The following ROCK2 variants were observed in gnomAD, a reference collection of about 807,000 sequenced individuals.
The protein encoded by ROCK2 is Rho associated coiled-coil containing protein kinase 2, also known as rho-associated protein kinase 2.
ROCK2 carries 61 observed loss-of-function variants against 195.1 expected under a neutral mutation model. That is an observed-to-expected ratio of 0.31 (90% CI 0.25 to 0.39). ROCK2 has a LOEUF of 0.39. Among genes scored for constraint, ROCK2 ranks in the 10% least tolerant of loss-of-function variants. The pLI, the probability that ROCK2 is intolerant of heterozygous loss-of-function variation, is 1.00. For missense variants in ROCK2, 1,109 were observed against 1,637.4 expected, an observed-to-expected ratio of 0.68 and a Z score of 5.57; for synonymous variants, 504 against 545.5, an observed-to-expected ratio of 0.92 and a Z score of 1.06.
At chr2:11,273,228 C>A (rs766210223) in intron 3 of ROCK2, among the ~76,000 whole-genome samples, 8 of 150,830 alleles carry the variant, frequency 5.3e-5, no homozygotes, top group Non-Finnish European at 1.0e-4. Flanking sequence ...CAGAGATTGG[C>A]AGAATGAATT....
chr2:11,300,423 C>T (rs527408475), intron 1 of ROCK2, among the ~76,000 whole-genome samples: 2 of 152,168 alleles, frequency 1.3e-5, no homozygotes, highest in Non-Finnish European at 2.9e-5. Context: ...GCCACCACGC[C>T]TGGCTTATTT....
intron 2 of ROCK2, among the ~76,000 whole-genome samples, chr2:11,287,193 A>G (rs1667227857): frequency 2.0e-5 from 3 of 152,216 alleles, no homozygotes; most frequent in African/African-American, 4.8e-5. Flanking sequence ...TTGGAATTCA[A>G]TTTCACTTAC....
At chr2:11,196,513 A>G (rs1412476266) in intron 27 of ROCK2, among the ~76,000 whole-genome samples, 1 of 152,234 alleles carries the variant, frequency 6.6e-6, no homozygotes, top group Non-Finnish European at 1.5e-5. Context: ...TGCCATGAGA[A>G]AATACCTTAA....
intron 1 of ROCK2, among the ~76,000 whole-genome samples, chr2:11,295,990 G>GAGAGAGAGAGAA (rs1553313903): frequency 1.1e-4 from 3 of 28,392 alleles, no homozygotes; most frequent in Non-Finnish European, 1.8e-4. Flanking sequence ...GAGAGAGAGA[G>GAGAGAGAGAGAA]GAGAGAGAGA....
intron 3 of ROCK2, among the ~76,000 whole-genome samples, chr2:11,252,013 T>C (rs140889004): frequency 7.9e-5 from 12 of 151,976 alleles, no homozygotes; most frequent in East Asian, 3.9e-4. Context: ...CAGGAAACAA[T>C]AGATGCTGGA....
At chr2:11,279,015 C>CA (rs367576908) in intron 3 of ROCK2, among the ~76,000 whole-genome samples, 168 of 138,616 alleles carry the variant, frequency 1.2e-3, no homozygotes, top group East Asian at 2.3e-3. Context: ...CTATAAAAAG[C>CA]AAAAAAAAAA....
At chr2:11,343,942 G>A in intron 1 of ROCK2, 54 bp downstream of exon 1, 2 of 1,549,736 alleles carry the variant, frequency 1.3e-6, no homozygotes, top group Non-Finnish European at 8.7e-7. Context: ...TGGGCGGAGA[G>A]GGGATCTGAG....
intron 32 of ROCK2, among the ~76,000 whole-genome samples, chr2:11,188,601 T>C (rs1402067253): frequency 6.7e-6 from 1 of 149,690 alleles, no homozygotes; most frequent in East Asian, 2.0e-4. Context: ...TGTCAATTAA[T>C]TTCTAGTCTT....
chr2:11,205,650 C>T (rs563596869), intron 20 of ROCK2, among the ~76,000 whole-genome samples: 1 of 151,428 alleles, frequency 6.6e-6, no homozygotes, highest in East Asian at 1.9e-4. Flanking sequence ...TTATCTTCCC[C>T]ACTGAATAAC....
intron 1 of ROCK2, among the ~76,000 whole-genome samples, chr2:11,294,098 A>G (rs960187338): frequency 6.6e-6 from 1 of 152,054 alleles, no homozygotes; most frequent in Non-Finnish European, 1.5e-5. Context: ...TGGAGCTTGC[A>G]GTGAGCCGAG....
intron 1 of ROCK2, among the ~76,000 whole-genome samples, chr2:11,299,774 T>C (rs1236914357): frequency 6.6e-6 from 1 of 152,236 alleles, no homozygotes; most frequent in African/African-American, 2.4e-5. Flanking sequence ...GTAGCCAACC[T>C]AATTTTCATG....
At chr2:11,231,542 G>T (rs1181875761) in intron 5 of ROCK2, among the ~76,000 whole-genome samples, 2 of 152,050 alleles carry the variant, frequency 1.3e-5, no homozygotes, top group African/African-American at 4.8e-5. Flanking sequence ...CATATAAAGT[G>T]GTCTTAAAAG....
chr2:11,239,891 A>T (rs530259835), intron 4 of ROCK2, among the ~76,000 whole-genome samples: 17 of 152,350 alleles, frequency 1.1e-4, no homozygotes, highest in African/African-American at 4.1e-4. Context: ...TTAACAATTT[A>T]CTAGGATGAC....
intron 3 of ROCK2, among the ~76,000 whole-genome samples, chr2:11,254,460 T>A (rs971981895): frequency 7.2e-5 from 11 of 152,114 alleles, no homozygotes; most frequent in African/African-American, 2.4e-4. Flanking sequence ...AGAAGTCACA[T>A]GTGTGTACTT....
At chr2:11,210,323 CCTT>C (rs981903617) in intron 18 of ROCK2, among the ~76,000 whole-genome samples, 2 of 151,376 alleles carry the variant, frequency 1.3e-5, no homozygotes, top group African/African-American at 2.4e-5. Context: ...TGAAAATAGT[CCTT>C]TTTTTTTTTT....
chr2:11,222,312 C>T (rs1469527549), intron 7 of ROCK2, 138 bp from the exon 8 acceptor site: 7 of 545,294 alleles, frequency 1.3e-5, no homozygotes, highest in African/African-American at 7.5e-5. Flanking sequence ...TTAAATGTTT[C>T]TCAAAAATAA....
At chr2:11,183,766 T>C (rs948722054) in intron 32 of ROCK2, among the ~76,000 whole-genome samples, 3 of 152,116 alleles carry the variant, frequency 2.0e-5, no homozygotes, top group Admixed American at 6.5e-5. Flanking sequence ...TGATTTGGGG[T>C]TTAACTGCCA....
Position 11,214,844 on chromosome 2 carries a change from T to C in ROCK2, c.1932A>G (p.Leu644=), listed in dbSNP as rs1424362098. The C allele has an allele frequency of 6.2e-7, 1 of 1,606,392 alleles. No individual in the cohort carries two copies. Among genetic ancestry groups the C allele is most frequent in the African/African-American group, 1.3e-5 (1 of 74,724 alleles). ...RTHGSEIIND[L]QGRICGLEED... Reference sequence around the variant, plus strand: ...GTGCAACCACGACTTCAATACCTTGTAAATCATTAATTATCTCTGATCCAT... The same window carrying C: ...GTGCAACCACGACTTCAATACCTTGCAAATCATTAATTATCTCTGATCCAT... The change falls in exon 16 of 33, where the codon TTA becomes TTG. Residue 644 remains leucine, a synonymous_variant. Coordinates refer to ENST00000315872, the MANE Select transcript of ROCK2 (RefSeq NM_004850.5).
At chr2:11,214,327 T>C in intron 17 of ROCK2, 30 bp downstream of exon 17, 4 of 1,288,330 alleles carry the variant, frequency 3.1e-6, no homozygotes, top group Non-Finnish European at 3.3e-6. Context: ...CTGTCAATTT[T>C]CTTATGCAAA....
Sources: allele counts gnomAD v4.1 joint callset (sites outside exome capture counted in the v4.1 genomes callset), GRCh38; gene constraint gnomAD v4.1.1; transcripts MANE v1.5; gene names NCBI Gene and HGNC (gene_info 2026-07-23, HGNC 2026-07-21).